The following AGTR1 variants were observed in gnomAD, a reference collection of about 807,000 sequenced individuals.
The protein encoded by AGTR1 is angiotensin II receptor type 1, also known as type-1 angiotensin II receptor.
In AGTR1, 16 loss-of-function variants were observed where a neutral mutation model predicts 19.4. The observed-to-expected ratio is 0.82, with a 90% confidence interval of 0.56 to 1.25. The LOEUF (loss-of-function observed/expected upper bound fraction) is 1.25. AGTR1 is among the 50% of genes most tolerant of loss of function. AGTR1 has a pLI of 0.00. For synonymous variants in AGTR1, 153 were observed against 154.9 expected, an observed-to-expected ratio of 0.99 and a Z score of 0.09; for missense variants, 373 against 431.9, an observed-to-expected ratio of 0.86 and a Z score of 1.21.
At chr3:148,737,709 TCCC>T (rs978215084) in intron 2 of AGTR1, among the ~76,000 whole-genome samples, 16 of 152,184 alleles carry the variant, frequency 1.1e-4, no homozygotes, top group Non-Finnish European at 2.1e-4. Flanking sequence ...AAAATTCTTC[TCCC>T]TTTTTCCTCC....
At chr3:148,726,152 A>G (rs912471425) in intron 2 of AGTR1, among the ~76,000 whole-genome samples, 1 of 152,162 alleles carries the variant, frequency 6.6e-6, no homozygotes, top group Non-Finnish European at 1.5e-5. Flanking sequence ...AGAAGCGAAG[A>G]AGAATCCCCC....
intron 2 of AGTR1, among the ~76,000 whole-genome samples, chr3:148,729,332 C>T (rs183117712): frequency 3.3e-4 from 51 of 152,256 alleles, no homozygotes; most frequent in African/African-American, 1.2e-3. Context: ...CCTACATAGC[C>T]TTCTATGCAG....
At chr3:148,734,954 G>A (rs941975383) in intron 2 of AGTR1, among the ~76,000 whole-genome samples, 69 of 152,164 alleles carry the variant, frequency 4.5e-4, no homozygotes, top group African/African-American at 1.5e-3. Context: ...TGAAATGGAC[G>A]AAGCAGGCAT....
chr3:148,719,473 T>A (rs1713488538), intron 2 of AGTR1, among the ~76,000 whole-genome samples: 2 of 152,336 alleles, frequency 1.3e-5, no homozygotes, highest in South Asian at 4.1e-4. Flanking sequence ...CTGTATTATA[T>A]GAAACATATA....
chr3:148,720,231 A>C (rs547756822), intron 2 of AGTR1, among the ~76,000 whole-genome samples: 1 of 152,244 alleles, frequency 6.6e-6, no homozygotes, highest in South Asian at 2.1e-4. Context: ...GACCCAAAAA[A>C]CAACCACATC....
Position 148,702,096 on chromosome 3 carries a change from G to A in AGTR1, c.-132+3969G>A, listed in dbSNP as rs12721207. 9.0e-3 allele frequency among the ~76,000 whole-genome samples: 1,355 copies of A among 150,928 alleles called. 14 individuals are homozygous for A. The highest frequency in any genetic ancestry group is 0.032 in the African/African-American group (1,309 of 40,960). ...AGGTTCAAATGATTTTCCTGCCTCA[G>A]CCTCCTTAGTAGCTGGGATTACAGG... On this transcript the variant is annotated intron_variant, in intron 1 of 2. Coordinates refer to ENST00000349243, the MANE Select transcript of AGTR1 (RefSeq NM_000685.5).
intron 2 of AGTR1, among the ~76,000 whole-genome samples, chr3:148,719,242 G>A (rs1264106110): frequency 1.3e-5 from 2 of 152,076 alleles, no homozygotes; most frequent in Admixed American, 6.6e-5. Context: ...GCATTTTAAG[G>A]GGAAAAGTTA....
chr3:148,717,967 G>A (rs1713393838), intron 2 of AGTR1, among the ~76,000 whole-genome samples: 1 of 152,242 alleles, frequency 6.6e-6, no homozygotes, highest in Middle Eastern at 3.4e-3. Flanking sequence ...GGATTGGGAT[G>A]AGTTATTTTC....
At chr3:148,739,053 C>G (rs984540906) in intron 2 of AGTR1, among the ~76,000 whole-genome samples, 1 of 152,134 alleles carries the variant, frequency 6.6e-6, no homozygotes, top group Admixed American at 6.6e-5. Context: ...GATATGTCAA[C>G]AGATGATTAC....
At chr3:148,729,281 G>A (rs1465722183) in intron 2 of AGTR1, among the ~76,000 whole-genome samples, 2 of 152,158 alleles carry the variant, frequency 1.3e-5, no homozygotes, top group Non-Finnish European at 2.9e-5. Context: ...AAATTCTCCT[G>A]TCCTTAAGGA....
chr3:148,730,678 A>G (rs1406796004), intron 2 of AGTR1, among the ~76,000 whole-genome samples: 4 of 152,250 alleles, frequency 2.6e-5, no homozygotes, highest in African/African-American at 9.6e-5. Context: ...CTTTTCAAAT[A>G]TTAGTGTGTA....
At chr3:148,703,904 A>G (rs1422897296) in intron 1 of AGTR1, among the ~76,000 whole-genome samples, 1 of 152,132 alleles carries the variant, frequency 6.6e-6, no homozygotes. Context: ...AAGTGCAATA[A>G]TGGGAAATTC....
chr3:148,737,544 G>A (rs1027166294), intron 2 of AGTR1, among the ~76,000 whole-genome samples: 12 of 152,186 alleles, frequency 7.9e-5, no homozygotes, highest in African/African-American at 1.2e-4. Flanking sequence ...CTTAAACTGT[G>A]TAGAGGAGGA....
At chr3:148,726,301 T>C (rs1289395028) in intron 2 of AGTR1, among the ~76,000 whole-genome samples, 1 of 152,014 alleles carries the variant, frequency 6.6e-6, no homozygotes, top group Non-Finnish European at 1.5e-5. Flanking sequence ...TTCCACCTCC[T>C]GGGTTCAAGT....
At chr3:148,706,053 A>G (rs1712650660) in intron 1 of AGTR1, among the ~76,000 whole-genome samples, 1 of 151,986 alleles carries the variant, frequency 6.6e-6, no homozygotes, top group Non-Finnish European at 1.5e-5. Context: ...ATGTACCTAC[A>G]AAATTTTCTA....
At chr3:148,715,162 T>G (rs1713221696) in intron 2 of AGTR1, among the ~76,000 whole-genome samples, 1 of 152,148 alleles carries the variant, frequency 6.6e-6, no homozygotes, top group South Asian at 2.1e-4. Flanking sequence ...ACTCTAAAAA[T>G]GTACAGATAA....
At chr3:148,718,297 T>C (rs541995652) in intron 2 of AGTR1, among the ~76,000 whole-genome samples, 1 of 152,346 alleles carries the variant, frequency 6.6e-6, no homozygotes, top group Non-Finnish European at 1.5e-5. Context: ...ATGTCTGTAA[T>C]ATTTTCAACC....
intron 1 of AGTR1, among the ~76,000 whole-genome samples, chr3:148,702,037 G>A (rs1712378967): frequency 6.6e-6 from 1 of 150,690 alleles, no homozygotes; most frequent in African/African-American, 2.5e-5. Flanking sequence ...GCGTGCAGTG[G>A]CATGATCTCG....
chr3:148,702,740 G>A (rs1298429539), intron 1 of AGTR1, among the ~76,000 whole-genome samples: 1 of 152,136 alleles, frequency 6.6e-6, no homozygotes, highest in African/African-American at 2.4e-5. Context: ...GGCACCTAAC[G>A]CATCCTTGTT....
Sources: gnomAD v4.1 joint callset for allele counts (sites outside exome capture counted in the v4.1 genomes callset) on GRCh38, gnomAD v4.1.1 for gene constraint, MANE v1.5 for transcripts, NCBI Gene and HGNC (gene_info 2026-07-23, HGNC 2026-07-21) for gene names.